The following ROBO2 variants were observed in gnomAD, a reference collection of about 807,000 sequenced individuals.
ROBO2 encodes the protein roundabout guidance receptor 2.
Under a neutral mutation model 160.8 loss-of-function variants are expected in ROBO2, and 53 were observed. The observed-to-expected ratio is 0.33, with a 90% CI of 0.26 to 0.41. ROBO2 has a LOEUF of 0.41. ROBO2 is among the 10% of genes least tolerant of loss of function. The pLI, the probability that ROBO2 is intolerant of heterozygous loss-of-function variation, is 1.00. For synonymous variants in ROBO2, 664 were observed against 611.7 expected (o/e 1.09, Z -1.26); for missense variants, 1,577 against 1,722.4 (o/e 0.92, Z 1.49).
intron 2 of ROBO2, among the ~76,000 whole-genome samples, chr3:76,812,584 A>G (rs189238237): frequency 5.9e-4 from 90 of 152,174 alleles, no homozygotes; most frequent in African/African-American, 2.2e-3. Flanking sequence ...TTTCTGGATT[A>G]CAATCAATTA....
chr3:77,577,729 TTTTATTTATATTTCTGTGTG>T, intron 15 of ROBO2, 115 bp downstream of exon 16: 2 of 1,271,664 alleles, frequency 1.6e-6, no homozygotes, highest in Non-Finnish European at 1.1e-6. Flanking sequence ...AGTGTAAAGT[TTTTATTTATATTTCTGTGTG>T]ACAGAGAATG....
chr3:76,070,360 T>G (rs6776915), intron 2 of ROBO2, among the ~76,000 whole-genome samples: 97,868 of 151,970 alleles, frequency 0.64, 32,193 homozygotes, highest in African/African-American at 0.78. Context: ...ATCTCTTATG[T>G]TCGACATTGC....
At chr3:76,948,578 AAT>A (rs2078714040) in intron 2 of ROBO2, among the ~76,000 whole-genome samples, 1 of 120,292 alleles carries the variant, frequency 8.3e-6, no homozygotes, top group African/African-American at 3.6e-5. Context: ...ATTATAATCT[AAT>A]TTTTTTTTTT....
chr3:77,355,187 C>G (rs1212003100), intron 2 of ROBO2, among the ~76,000 whole-genome samples: 2 of 152,280 alleles, frequency 1.3e-5, no homozygotes, highest in African/African-American at 4.8e-5. Context: ...ATCCCCTTAC[C>G]CCAGGAGCTC....
chr3:75,951,191 A>G (rs1250128690), intron 2 of ROBO2, among the ~76,000 whole-genome samples: 2 of 152,014 alleles, frequency 1.3e-5, no homozygotes, highest in African/African-American at 4.8e-5. Context: ...GTGACCATAA[A>G]TTTATATACC....
chr3:77,172,215 T>C (rs940588032), intron 2 of ROBO2, among the ~76,000 whole-genome samples: 1 of 152,160 alleles, frequency 6.6e-6, no homozygotes, highest in Non-Finnish European at 1.5e-5. Flanking sequence ...CACCAAAATA[T>C]GGACTGGGAA....
At chr3:76,546,038 C>G (rs2083079581) in intron 2 of ROBO2, among the ~76,000 whole-genome samples, 1 of 151,750 alleles carries the variant, frequency 6.6e-6, no homozygotes, top group South Asian at 2.1e-4. Context: ...AAGTTCCCAT[C>G]CACAGTTTTA....
At chr3:76,736,403 A>T (rs1040570125) in intron 2 of ROBO2, among the ~76,000 whole-genome samples, 8 of 152,180 alleles carry the variant, frequency 5.3e-5, no homozygotes, top group Non-Finnish European at 1.2e-4. Flanking sequence ...GTTTGGGGGC[A>T]TTTTCACAGC....
intron 2 of ROBO2, among the ~76,000 whole-genome samples, chr3:77,307,380 T>C (rs1438260684): frequency 6.6e-6 from 1 of 152,202 alleles, no homozygotes; most frequent in Non-Finnish European, 1.5e-5. Context: ...GAGTTTACCA[T>C]CTTGGCTAAG....
At chr3:76,216,849 G>T (rs945748003) in intron 2 of ROBO2, among the ~76,000 whole-genome samples, 3 of 152,138 alleles carry the variant, frequency 2.0e-5, no homozygotes, top group African/African-American at 7.2e-5. Flanking sequence ...AAAATCAACA[G>T]AATATAAATT....
chr3:77,455,299 A>T (rs574520102), intron 2 of ROBO2, among the ~76,000 whole-genome samples: 3 of 152,208 alleles, frequency 2.0e-5, no homozygotes, highest in South Asian at 2.1e-4. Flanking sequence ...TTTACGAAAA[A>T]CTTTTAAGTT....
intron 2 of ROBO2, among the ~76,000 whole-genome samples, chr3:76,989,068 T>G (rs2060530694): frequency 6.6e-6 from 1 of 152,182 alleles, no homozygotes; most frequent in Non-Finnish European, 1.5e-5. Flanking sequence ...AAACACTTGC[T>G]GAGTATCAAT....
intron 1 of ROBO2, among the ~76,000 whole-genome samples, chr3:77,071,613 G>A (rs1372452048): frequency 1.3e-5 from 2 of 152,128 alleles, no homozygotes; most frequent in East Asian, 1.9e-4. Flanking sequence ...TGAGGGTCAC[G>A]GAGCCTGTTC....
intron 2 of ROBO2, among the ~76,000 whole-genome samples, chr3:77,322,831 TTATGTA>T (rs1268299055): frequency 1.7e-5 from 2 of 115,160 alleles, no homozygotes; most frequent in South Asian, 2.5e-4. Context: ...TTATAATATA[TTATGTA>T]ATATATTATA....
chr3:75,958,427 C>T (rs1948793226), intron 2 of ROBO2, among the ~76,000 whole-genome samples: 1 of 151,700 alleles, frequency 6.6e-6, no homozygotes, highest in Non-Finnish European at 1.5e-5. Context: ...AACAGAAAGT[C>T]AAGCAAAAAC....
At chr3:76,387,360 G>A (rs1036102922) in intron 2 of ROBO2, among the ~76,000 whole-genome samples, 6 of 152,108 alleles carry the variant, frequency 3.9e-5, no homozygotes, top group African/African-American at 1.4e-4. Context: ...AGAAAAGGAT[G>A]TTTAAGCTGA....
chr3:76,935,823 A>T (rs2077662666), intron 2 of ROBO2, among the ~76,000 whole-genome samples: 1 of 152,150 alleles, frequency 6.6e-6, no homozygotes, highest in Non-Finnish European at 1.5e-5. Context: ...TAGAAAAGGG[A>T]GAAGGAGCTC....
At position 77,330,614 on chromosome 3, in the gene ROBO2, G is replaced by A. The variant is rs114157232; in HGVS notation, c.389-146800G>A. Among the ~76,000 whole-genome samples the A allele has an allele frequency of 5.6e-3, 859 of 152,304 alleles. 6 individuals carry two copies. Among genetic ancestry groups the A allele is most frequent in the African/African-American group, 0.02 (814 of 41,572 alleles). The stretch of plus-strand genomic sequence containing the variant: ...AGGGTGAAGTAAAGAAGCCTGTATA[G>A]ACAAATGAACAGAGACAGACTTTTG... On this transcript the variant is annotated intron_variant, in intron 2 of 25. Transcript: ENST00000461745.
intron 2 of ROBO2, among the ~76,000 whole-genome samples, chr3:75,955,861 G>A (rs1948706520): frequency 6.6e-6 from 1 of 151,586 alleles, no homozygotes; most frequent in African/African-American, 2.4e-5. Context: ...CACTCTCACT[G>A]TGCCCTTTCT....
Sources: gnomAD v4.1 joint callset for allele counts (sites outside exome capture counted in the v4.1 genomes callset) on GRCh38, gnomAD v4.1.1 for gene constraint, MANE v1.5 for transcripts, NCBI Gene and HGNC (gene_info 2026-07-23, HGNC 2026-07-21) for gene names.